The following ZMIZ1 variants were observed in gnomAD, a reference collection of about 807,000 sequenced individuals.
The protein encoded by ZMIZ1 is zinc finger MIZ-type containing 1.
A neutral mutation model predicts 113.9 loss-of-function variants in ZMIZ1; 17 were observed. The ratio of observed to expected loss-of-function variants is 0.15; its 90% CI spans 0.10 to 0.22. The LOEUF (loss-of-function observed/expected upper bound fraction) is 0.22. Among genes scored for constraint, ZMIZ1 ranks in the 10% least tolerant of loss-of-function variants. The pLI, the probability that ZMIZ1 is intolerant of heterozygous loss-of-function variation, is 1.00. For synonymous variants in ZMIZ1, 607 were observed against 603.1 expected (o/e 1.01, Z -0.09); for missense variants, 1,059 against 1,477.8 (o/e 0.72, Z 4.65).
chr10:79,116,616 C>T (rs1380978894), intron 1 of ZMIZ1, among the ~76,000 whole-genome samples: 1 of 152,140 alleles, frequency 6.6e-6, no homozygotes, highest in African/African-American at 2.4e-5. Flanking sequence ...GCCGGCTGGC[C>T]AGGGCGGGGC....
rs1215539655 is a variant in ZMIZ1, at chr10:79,314,547, A to C, written c.*1798A>C. On this transcript the variant is annotated 3_prime_UTR_variant, in exon 25 of 25. Transcript: ENST00000334512. ...TTCAGTATGCAAATCAATTATTTTA[A>C]GAATCGCTTTTGTAAATATCTTTGT... 1 of 271,134 alleles carries C rather than the reference A, an allele frequency of 3.7e-6. No individual in the cohort carries two copies. The highest frequency in any genetic ancestry group is 2.2e-5 in the African/African-American group (1 of 44,484). 16.8% of individuals were successfully genotyped at this position (271,134 alleles called of 1,614,324 possible). A position where few individuals can be genotyped will look rare whatever the true frequency, so the allele number is the denominator to read the frequency against.
chr10:79,149,958 G>A (rs1010458001), intron 3 of ZMIZ1, among the ~76,000 whole-genome samples: 6 of 152,216 alleles, frequency 3.9e-5, no homozygotes, highest in African/African-American at 1.4e-4. Context: ...AGAGGTAAGA[G>A]GCCAAAGGCC....
chr10:79,126,260 G>A (rs1024375219), intron 2 of ZMIZ1, among the ~76,000 whole-genome samples: 112 of 152,194 alleles, frequency 7.4e-4, no homozygotes, highest in African/African-American at 2.6e-3. Context: ...AGGGGCAAGG[G>A]AGTGAAGAAA....
At chr10:79,277,056 C>T (rs1425233645) in intron 7 of ZMIZ1, 125 bp from the exon 8 acceptor site, 52 of 1,235,084 alleles carry the variant, frequency 4.2e-5, no homozygotes, top group South Asian at 2.9e-4. Flanking sequence ...AGTCTTCTGG[C>T]GTCACACGAA....
chr10:79,139,513 T>C (rs1156475590), intron 2 of ZMIZ1, among the ~76,000 whole-genome samples, 169 bp from the exon 3 acceptor site: 2 of 152,204 alleles, frequency 1.3e-5, no homozygotes, highest in African/African-American at 4.8e-5. Context: ...GGAGTGTGGC[T>C]GGGCGGGGAA....
intron 1 of ZMIZ1, among the ~76,000 whole-genome samples, chr10:79,074,176 T>A (rs1842393236): frequency 6.6e-6 from 1 of 152,182 alleles, no homozygotes; most frequent in Admixed American, 6.5e-5. Flanking sequence ...AAAACCAAGG[T>A]TCAGAGCGGT....
intron 1 of ZMIZ1, among the ~76,000 whole-genome samples, chr10:79,099,239 C>T (rs1032133712): frequency 6.6e-5 from 10 of 152,120 alleles, no homozygotes; most frequent in Non-Finnish European, 5.9e-5. Context: ...GGGGACCCAC[C>T]GTGAGGCCCC....
At chr10:79,235,047 C>T (rs1191471768) in intron 7 of ZMIZ1, among the ~76,000 whole-genome samples, 1 of 152,272 alleles carries the variant, frequency 6.6e-6, no homozygotes. Flanking sequence ...GAGCTCAGCT[C>T]TGCAGGCCCT....
intron 1 of ZMIZ1, among the ~76,000 whole-genome samples, chr10:79,097,160 G>A (rs1843195671): frequency 6.6e-6 from 1 of 152,212 alleles, no homozygotes; most frequent in South Asian, 2.1e-4. Context: ...GTGTGGACAT[G>A]CCTGTATCTG....
rs770659780 is a variant in ZMIZ1 at position 79,296,681 on chromosome 10, G to A, written c.1413+28G>A. The stretch of plus-strand genomic sequence containing the variant: ...GAGTCCCAGCCTCGCCACCACCCAC[G>A]GGGCCCCTTCCCTCCTAACCACCTC... On this transcript the variant is annotated intron_variant, in intron 13 of 24. Transcript: ENST00000334512. This position sits in a 1 kb window ranked among gnomAD's most constrained non-coding sequence, Gnocchi z 4.1. 5.4e-5 allele frequency: 82 copies of A among 1,521,792 alleles called. 1 individual carries two copies. The highest frequency in any genetic ancestry group is 1.3e-4 in the South Asian group (10 of 77,594). The allele number at this position is 1,521,792 out of a possible 1,614,324, so 94.3% of individuals were successfully genotyped here.
intron 7 of ZMIZ1, among the ~76,000 whole-genome samples, chr10:79,246,026 G>C (rs1049707477): frequency 6.6e-6 from 1 of 152,252 alleles, no homozygotes; most frequent in African/African-American, 2.4e-5. Flanking sequence ...CAGTGCAGGC[G>C]AGTCTGTTAG....
At chr10:79,223,942 G>T (rs547469676) in intron 7 of ZMIZ1, among the ~76,000 whole-genome samples, 10 of 152,324 alleles carry the variant, frequency 6.6e-5, no homozygotes, top group East Asian at 5.8e-4. Context: ...GGGGGGAGGG[G>T]CAGCTGTGAT....
intron 3 of ZMIZ1, among the ~76,000 whole-genome samples, chr10:79,156,520 C>T (rs755317895): frequency 3.9e-5 from 6 of 152,196 alleles, no homozygotes; most frequent in Non-Finnish European, 7.3e-5. Flanking sequence ...TGGCCACTTT[C>T]GAGCCTTCCC....
intron 3 of ZMIZ1, among the ~76,000 whole-genome samples, chr10:79,161,439 C>T (rs1846113029): frequency 6.6e-6 from 1 of 152,204 alleles, no homozygotes; most frequent in Admixed American, 6.5e-5. Flanking sequence ...ACCCCAAGTC[C>T]TCCACTGGGC....
At position 79,149,432 on chromosome 10, in the gene ZMIZ1, C is replaced by T. The variant is rs148173621; in HGVS notation, c.-131+9655C>T. 1.3e-4 allele frequency among the ~76,000 whole-genome samples: 20 copies of T among 152,320 alleles called. No individual in the cohort carries two copies. In the East Asian group the frequency reaches 2.9e-3, roughly 22 times the overall value. On this transcript the variant is annotated intron_variant, in intron 3 of 24. Transcript: ENST00000334512. ...CACTGGGTCGGGCTGCCAACCTCTGCACTCCCACCATACCCCCAACCTGTG... is the reference window on the plus strand; with the variant it reads ...CACTGGGTCGGGCTGCCAACCTCTGTACTCCCACCATACCCCCAACCTGTG...
intron 7 of ZMIZ1, among the ~76,000 whole-genome samples, chr10:79,255,260 A>G (rs1480241800): frequency 6.6e-6 from 1 of 152,208 alleles, no homozygotes; most frequent in Non-Finnish European, 1.5e-5. Context: ...AGGTGGCCTC[A>G]GGGCAGGGGA....
chr10:79,139,086 C>T (rs1169694470), intron 2 of ZMIZ1, among the ~76,000 whole-genome samples: 1 of 152,162 alleles, frequency 6.6e-6, no homozygotes, highest in African/African-American at 2.4e-5. Flanking sequence ...AACAGCCAGC[C>T]CTGAACCTTG....
chr10:79,241,123 G>T (rs574981339), intron 7 of ZMIZ1, among the ~76,000 whole-genome samples: 20 of 152,274 alleles, frequency 1.3e-4, no homozygotes, highest in African/African-American at 4.6e-4. Flanking sequence ...GATAATGGAG[G>T]TCCAAGTGTT....
At position 79,307,161 on chromosome 10, in the gene ZMIZ1, G is replaced by A. The variant is rs1020343483; in HGVS notation, c.2669-244G>A. On this transcript the variant is annotated intron_variant, in intron 22 of 24. Transcript: ENST00000334512. ...CACAGGAGCCTGGCCCGCCCCCTTT[G>A]TCCCACTCTGCCCCCTCCTCCATAG... 3.3e-5 allele frequency among the ~76,000 whole-genome samples: 5 copies of A among 151,982 alleles called. 1 individual carries two copies. Among genetic ancestry groups the A allele is most frequent in the African/African-American group, 1.2e-4 (5 of 41,358 alleles).
Sources: gnomAD v4.1 joint callset for allele counts (sites outside exome capture counted in the v4.1 genomes callset) on GRCh38, gnomAD v4.1.1 for gene constraint, Gnocchi (gnomAD v3.1) non-coding constraint, MANE v1.5 for transcripts, NCBI Gene and HGNC (gene_info 2026-07-23, HGNC 2026-07-21) for gene names.